Variants in ARSF observed in about 807,000 individuals in gnomAD.
The protein encoded by ARSF is arylsulfatase F.
A neutral mutation model predicts 35.4 loss-of-function variants in ARSF; 33 were observed. That is an observed-to-expected ratio of 0.93 (90% CI 0.71 to 1.25). The LOEUF (loss-of-function observed/expected upper bound fraction) is 1.25, where lower values mean the gene tolerates loss of function less well. Ranked by LOEUF, ARSF falls within the 50% of genes most tolerant of loss-of-function variation. The pLI is 0.00. For missense variants in ARSF, 501 were observed against 480.2 expected, an observed-to-expected ratio of 1.04 and a Z score of -0.40; for synonymous variants, 222 against 193.1, an observed-to-expected ratio of 1.15 and a Z score of -1.24.
At chrX:3,080,451 T>C (rs1307438351) in intron 4 of ARSF, among the ~76,000 whole-genome samples, 1 of 96,565 alleles carries the variant, frequency 1.0e-5, no homozygotes, top group Non-Finnish European at 2.1e-5. Context: ...TCCAGCCTGG[T>C]GACAAAGCGA....
intron 1 of ARSF, among the ~76,000 whole-genome samples, chrX:3,050,799 C>T (rs911074004): frequency 1.5e-4 from 17 of 110,760 alleles, no homozygotes; most frequent in African/African-American, 4.9e-4. Context: ...TGGAGTTGGA[C>T]GCATGCTCAC....
intron 1 of ARSF, among the ~76,000 whole-genome samples, chrX:3,052,968 G>C (rs1376231144): frequency 1.8e-5 from 2 of 111,289 alleles, no homozygotes; most frequent in African/African-American, 6.5e-5. Context: ...GGGTGAGGTT[G>C]CTACCCCAGA....
At chrX:3,079,544 A>T (rs2090181378) in intron 4 of ARSF, among the ~76,000 whole-genome samples, 1 of 108,448 alleles carries the variant, frequency 9.2e-6, no homozygotes, top group African/African-American at 3.4e-5. Flanking sequence ...GGGTTTCCCC[A>T]TATTGGTCAG....
At chrX:3,079,065 C>T (rs940695943) in intron 4 of ARSF, among the ~76,000 whole-genome samples, 23 of 111,179 alleles carry the variant, frequency 2.1e-4, no homozygotes, top group African/African-American at 7.5e-4. Flanking sequence ...GCGTCTGTCA[C>T]CAAGCATAAT....
chrX:3,090,447 T>C (rs933699313), intron 7 of ARSF, among the ~76,000 whole-genome samples: 2 of 111,674 alleles, frequency 1.8e-5, no homozygotes, highest in Non-Finnish European at 3.8e-5. Flanking sequence ...GGCAGGAGGA[T>C]CACTTGAGCC....
chrX:3,084,795 AT>A, intron 6 of ARSF, 129 bp downstream of exon 6: 1 of 646,368 alleles, frequency 1.5e-6, no homozygotes. Context: ...CTAAAAGAGA[AT>A]AAGTCAAATG....
intron 9 of ARSF, 115 bp from the exon 10 acceptor site, chrX:3,110,013 G>C: frequency 1.4e-6 from 1 of 725,834 alleles, no homozygotes; most frequent in Non-Finnish European, 1.9e-6. Flanking sequence ...GACTCAGTAC[G>C]CTGTCCTCTG....
chrX:3,052,972 C>T (rs1198632976), intron 1 of ARSF, among the ~76,000 whole-genome samples: 4 of 111,107 alleles, frequency 3.6e-5, no homozygotes, highest in Admixed American at 1.9e-4. Context: ...GAGGTTGCTA[C>T]CCCAGAATTA....
Position 3,073,626 on chromosome X carries a change from A to G in ARSF, c.161+1451A>G, listed in dbSNP as rs866984369. On this transcript the variant is annotated intron_variant, in intron 3 of 10. Coordinates refer to ENST00000381127, the MANE Select transcript of ARSF (RefSeq NM_001201539.2). ...AAATATAATATAAATATTTATAAAT[A>G]TATTTATAAATAAAATTATATATAA... is the stretch of plus-strand genomic sequence containing the variant. Among the ~76,000 whole-genome samples, 533 of 97,243 alleles carry G rather than the reference A, an allele frequency of 5.5e-3. 3 individuals are homozygous for G. The highest frequency in any genetic ancestry group is 0.018 in the African/African-American group (502 of 27,647). 84.4% of individuals were successfully genotyped at this position (97,243 alleles called of 115,157 possible). A position where few individuals can be genotyped will look rare whatever the true frequency, so the allele number is the denominator to read the frequency against.
intron 4 of ARSF, 124 bp downstream of exon 4, chrX:3,076,793 C>G (rs934024875): frequency 1.0e-6 from 1 of 1,000,997 alleles, no homozygotes; most frequent in Non-Finnish European, 1.3e-6. Context: ...GCCTGTAATC[C>G]CAGAACTTCG....
At position 3,062,716 on chromosome X, in the gene ARSF, A is replaced by G. The variant is rs184162457; in HGVS notation, c.-28-5357A>G. Among the ~76,000 whole-genome samples, 50 of 111,889 alleles carry G rather than the reference A, an allele frequency of 4.5e-4. 1 individual carries two copies. The highest frequency in any genetic ancestry group is 1.1e-3 in the South Asian group (3 of 2,635). ...CTAGAAAATCTAGAAGAAATGGATA[A>G]ATTTCTGGACACATACACCCTCCCA... On this transcript the variant is annotated intron_variant, in intron 1 of 10. Transcript: ENST00000381127.
In ARSF at chrX:3,084,797, A is replaced by T. The variant is rs1443027929; in HGVS notation, c.830+131A>T. 3 of 637,340 alleles carry T rather than the reference A, an allele frequency of 4.7e-6. No homozygotes were observed. The African/African-American group carries it at 6.7e-5, about 14-fold the overall frequency. The allele number at this position is 637,340 out of a possible 1,213,427, so 52.5% of individuals were successfully genotyped here. A position where few individuals can be genotyped will look rare whatever the true frequency, so the allele number is the denominator to read the frequency against. ...CACTTCTAAATAGCTAAAAGAGAAT[A>T]AGTCAAATGGCTCTAGAATAAAGAA... On this transcript the variant is annotated intron_variant, in intron 6 of 10. Coordinates refer to ENST00000381127, the MANE Select transcript of ARSF (RefSeq NM_001201539.2).
chrX:3,086,767 G>A (rs930879499), intron 6 of ARSF, among the ~76,000 whole-genome samples: 4 of 111,759 alleles, frequency 3.6e-5, no homozygotes, highest in East Asian at 5.6e-4. Flanking sequence ...GCAGTGAGCC[G>A]TGATTGCACC....
At chrX:3,110,350 T>G in intron 10 of ARSF, 98 bp downstream of exon 10, 12 of 853,706 alleles carry the variant, frequency 1.4e-5, no homozygotes, top group Middle Eastern at 3.4e-4. Context: ...GACCGGTCCT[T>G]TCATTCCAGG....
At chrX:3,110,352 C>T in intron 10 of ARSF, 100 bp downstream of exon 10, 1 of 875,644 alleles carries the variant, frequency 1.1e-6, no homozygotes, top group Non-Finnish European at 1.5e-6. Flanking sequence ...CCGGTCCTTT[C>T]ATTCCAGGGC....
Position 3,080,011 on chromosome X carries a change from A to G in ARSF, c.284-880A>G, listed in dbSNP as rs2090187673. 2.8e-5 allele frequency among the ~76,000 whole-genome samples: 3 copies of G among 106,146 alleles called. No individual in the cohort carries two copies. The South Asian group carries it at 1.3e-3, about 47-fold the overall frequency. 92.2% of individuals were successfully genotyped at this position (106,146 alleles called of 115,157 possible). On this transcript the variant is annotated intron_variant, in intron 4 of 10. Coordinates refer to ENST00000381127, the MANE Select transcript of ARSF (RefSeq NM_001201539.2). The stretch of plus-strand genomic sequence containing the variant: ...AAAAAAAGAGAGAGAGAGAAAAAAA[A>G]AAAAGAAAAAAAAATGGTGAGGGAA...
Position 3,110,144 on chromosome X carries a change from G to A in ARSF, c.1282G>A (p.Asp428Asn). The change falls in exon 10 of 11, where the codon GAC becomes AAC. Residue 428 changes from aspartate (D) to asparagine (N), a missense_variant. Transcript: ENST00000381127. Reference protein sequence around the residue: ...LPQDRVIDGRDLMPLLQGNVR... With the variant: ...LPQDRVIDGRNLMPLLQGNVR... ...TCTCTGCAGGGTCATTGACGGCCGAGACCTCATGCCCTTGCTGCAGGGCAA... is the reference window on the plus strand; with the variant it reads ...TCTCTGCAGGGTCATTGACGGCCGAAACCTCATGCCCTTGCTGCAGGGCAA... 6.7e-6 allele frequency: 8 copies of A among 1,192,521 alleles called. No homozygotes were observed. Among genetic ancestry groups the A allele is most frequent in the Non-Finnish European group, 7.9e-6 (7 of 885,137 alleles).
chrX:3,093,131 C>T (rs913713463), intron 7 of ARSF, among the ~76,000 whole-genome samples: 10 of 111,762 alleles, frequency 8.9e-5, no homozygotes, highest in African/African-American at 3.3e-4. Flanking sequence ...CGCCACTGCA[C>T]TCCAGCCTGG....
At chrX:3,042,525 CT>C (rs1452899734) in intron 1 of ARSF, among the ~76,000 whole-genome samples, 1 of 110,835 alleles carries the variant, frequency 9.0e-6, no homozygotes, top group East Asian at 2.9e-4. Context: ...GAGATGGAGC[CT>C]CGCTCTGTCT....
Sources: gnomAD v4.1 joint callset for allele counts (sites outside exome capture counted in the v4.1 genomes callset) on GRCh38, gnomAD v4.1.1 for gene constraint, MANE v1.5 for transcripts, NCBI Gene and HGNC (gene_info 2026-07-23, HGNC 2026-07-21) for gene names.